The following ULK4 variants were observed in gnomAD, a reference collection of about 807,000 sequenced individuals.
ULK4 encodes unc-51 like kinase 4, also known as inactive serine/threonine-protein kinase ULK4.
In ULK4, 133 loss-of-function variants were observed where a neutral mutation model predicts 160.6. The observed-to-expected ratio is 0.83, with a 90% CI of 0.72 to 0.96. The LOEUF (loss-of-function observed/expected upper bound fraction) is 0.96, where lower values mean the gene tolerates loss of function less well. ULK4 is among the 40% of genes least tolerant of loss of function. The pLI, the probability that ULK4 is intolerant of heterozygous loss-of-function variation, is 0.00. For missense variants in ULK4, 1,580 were observed against 1,499.5 expected, an observed-to-expected ratio of 1.05 and a Z score of -0.89; for synonymous variants, 534 against 539.8, an observed-to-expected ratio of 0.99 and a Z score of 0.15.
intron 34 of ULK4, among the ~76,000 whole-genome samples, chr3:41,444,785 C>T (rs2083258296): frequency 6.6e-6 from 1 of 152,102 alleles, no homozygotes; most frequent in African/African-American, 2.4e-5. Flanking sequence ...TGAGATCAAC[C>T]TGGCCAGTAT....
chr3:41,538,800 T>C (rs1302319024), intron 32 of ULK4, among the ~76,000 whole-genome samples: 1 of 152,128 alleles, frequency 6.6e-6, no homozygotes, highest in Non-Finnish European at 1.5e-5. Context: ...TTACATTTGT[T>C]TATATTTCTC....
At chr3:41,516,881 C>T (rs1482189410) in intron 32 of ULK4, among the ~76,000 whole-genome samples, 1 of 152,144 alleles carries the variant, frequency 6.6e-6, no homozygotes, top group East Asian at 1.9e-4. Flanking sequence ...AATACCCCTT[C>T]TCCATGTTGT....
chr3:41,848,729 G>A (rs1051131610), intron 17 of ULK4, among the ~76,000 whole-genome samples: 1 of 152,170 alleles, frequency 6.6e-6, no homozygotes, highest in Non-Finnish European at 1.5e-5. Flanking sequence ...GAAACCCTCA[G>A]GAGCTGCCAG....
chr3:41,902,588 GAAAAA>G (rs537842940), intron 12 of ULK4, among the ~76,000 whole-genome samples: 7 of 94,762 alleles, frequency 7.4e-5, no homozygotes, highest in Middle Eastern at 5.8e-3. Flanking sequence ...AAAAAAAAAA[GAAAAA>G]AAAAAAAAAG....
At position 41,681,597 on chromosome 3, in the gene ULK4, C is replaced by A. The variant is rs2035924207; in HGVS notation, c.2889G>T (p.Val963=). 6.2e-7 allele frequency: 1 copy of A among 1,613,868 alleles called. No individual in the cohort carries two copies. Among genetic ancestry groups the A allele is most frequent in the Non-Finnish European group, 8.5e-7 (1 of 1,179,968 alleles). ...CCTTGCCATCCCCAAACTCCTGGTTCACGAGTAGAGATGTGGTTTCTGAGA... is the reference window on the plus strand; with the variant it reads ...CCTTGCCATCCCCAAACTCCTGGTTAACGAGTAGAGATGTGGTTTCTGAGA... ...RLLSETTSLL[V]NQEFGDGKEK... is the part of the protein sequence containing the mutation. Residue 963 remains valine, a synonymous_variant, in exon 29 of 37, where the codon GTG becomes GTT. Coordinates refer to ENST00000301831, the MANE Select transcript of ULK4 (RefSeq NM_017886.4).
At chr3:41,768,388 T>C (rs79996710) in intron 21 of ULK4, among the ~76,000 whole-genome samples, 44 of 152,282 alleles carry the variant, frequency 2.9e-4, no homozygotes, top group African/African-American at 1.0e-3. Context: ...TAATGAAGTA[T>C]ATGGGGAAAA....
intron 19 of ULK4, among the ~76,000 whole-genome samples, chr3:41,803,947 T>A (rs142728851): frequency 6.6e-6 from 1 of 152,174 alleles, no homozygotes; most frequent in Non-Finnish European, 1.5e-5. Flanking sequence ...AATAAACATA[T>A]GTGTGCATGT....
intron 17 of ULK4, among the ~76,000 whole-genome samples, chr3:41,873,170 AC>A (rs1294374641): frequency 6.6e-6 from 1 of 152,020 alleles, no homozygotes; most frequent in African/African-American, 2.4e-5. Flanking sequence ...AAATAAGCAA[AC>A]AAACTAACTT....
chr3:41,425,995 A>G (rs2082768648), intron 34 of ULK4, among the ~76,000 whole-genome samples: 1 of 152,202 alleles, frequency 6.6e-6, no homozygotes, highest in South Asian at 2.1e-4. Flanking sequence ...CAAGCAGGAT[A>G]AAGACTAAAG....
chr3:41,488,241 T>A (rs1039284595), intron 32 of ULK4, among the ~76,000 whole-genome samples: 1 of 152,228 alleles, frequency 6.6e-6, no homozygotes, highest in Admixed American at 6.5e-5. Context: ...TTTTCAAGCA[T>A]CATGCTATTT....
At chr3:41,368,206 C>A (rs117208518) in intron 35 of ULK4, among the ~76,000 whole-genome samples, 1 of 151,892 alleles carries the variant, frequency 6.6e-6, no homozygotes, top group Non-Finnish European at 1.5e-5. Flanking sequence ...CACCACGACG[C>A]CCGGCTAATT....
At chr3:41,332,303 C>T (rs1575440333) in intron 35 of ULK4, among the ~76,000 whole-genome samples, 3 of 152,228 alleles carry the variant, frequency 2.0e-5, no homozygotes. Flanking sequence ...TCTGGGGCTA[C>T]AATAACATTT....
At chr3:41,475,587 C>G (rs1278938548) in intron 32 of ULK4, among the ~76,000 whole-genome samples, 1 of 151,936 alleles carries the variant, frequency 6.6e-6, no homozygotes, top group Non-Finnish European at 1.5e-5. Context: ...TCACTTTGTA[C>G]CCCATAAATA....
At chr3:41,432,218 A>G (rs747010747) in intron 34 of ULK4, among the ~76,000 whole-genome samples, 1 of 152,172 alleles carries the variant, frequency 6.6e-6, no homozygotes, top group Non-Finnish European at 1.5e-5. Context: ...GACAAAGTAA[A>G]ATGCAATCAG....
At chr3:41,417,578 C>T (rs2125832862) in intron 34 of ULK4, among the ~76,000 whole-genome samples, 1 of 152,272 alleles carries the variant, frequency 6.6e-6, no homozygotes, top group Non-Finnish European at 1.5e-5. Flanking sequence ...ACTGATTGTA[C>T]TTAATGCAGA....
At chr3:41,536,247 A>T (rs2086495198) in intron 32 of ULK4, among the ~76,000 whole-genome samples, 1 of 152,146 alleles carries the variant, frequency 6.6e-6, no homozygotes, top group Admixed American at 6.6e-5. Flanking sequence ...ATACAAAGTG[A>T]TGAGTGATGA....
At chr3:41,386,737 T>C (rs1472120192) in intron 35 of ULK4, among the ~76,000 whole-genome samples, 1 of 152,174 alleles carries the variant, frequency 6.6e-6, no homozygotes, top group African/African-American at 2.4e-5. Flanking sequence ...CATCCTTATA[T>C]GGAATCAAAC....
chr3:41,454,577 A>G (rs1467166972), intron 34 of ULK4, among the ~76,000 whole-genome samples: 1 of 151,936 alleles, frequency 6.6e-6, no homozygotes, highest in Admixed American at 6.6e-5. Flanking sequence ...AAAGAAAAAA[A>G]GATGATAGAA....
intron 35 of ULK4, among the ~76,000 whole-genome samples, chr3:41,369,349 C>A (rs1321841235): frequency 6.6e-6 from 1 of 152,034 alleles, no homozygotes; most frequent in East Asian, 1.9e-4. Context: ...TAGAAATTAG[C>A]CAGGTGTGGT....
Sources: allele counts gnomAD v4.1 joint callset (sites outside exome capture counted in the v4.1 genomes callset), GRCh38; gene constraint gnomAD v4.1.1; transcripts MANE v1.5; gene names NCBI Gene and HGNC (gene_info 2026-07-23, HGNC 2026-07-21).